Variants in UBR1 observed in about 807,000 individuals in gnomAD.
UBR1 encodes ubiquitin protein ligase E3 component n-recognin 1.
Under a neutral mutation model 242.1 loss-of-function variants are expected in UBR1, and 102 were observed. The observed-to-expected ratio is 0.42, with a 90% CI of 0.36 to 0.50. The LOEUF is 0.50. UBR1 is among the 20% of genes least tolerant of loss of function. UBR1 has a pLI of 0.01. For synonymous variants in UBR1, 675 were observed against 684.8 expected (o/e 0.99, Z 0.22); for missense variants, 1,772 against 2,101.8 (o/e 0.84, Z 3.07).
intron 11 of UBR1, among the ~76,000 whole-genome samples, chr15:43,055,878 G>A (rs566990966): frequency 1.3e-5 from 2 of 152,226 alleles, no homozygotes; most frequent in African/African-American, 4.8e-5. Context: ...TCGTCCCATT[G>A]CACTCCAGCC....
At position 42,945,294 on chromosome 15, in the gene UBR1, C is replaced by G. The variant is rs767638019; in HGVS notation, c.*35G>C. The G allele has an allele frequency of 1.2e-6, 2 of 1,613,962 alleles. No individual in the cohort carries two copies. The highest frequency in any genetic ancestry group is 4.5e-5 in the East Asian group (2 of 44,882). On this transcript the variant is annotated 3_prime_UTR_variant, in exon 47 of 47. Coordinates refer to ENST00000290650, the MANE Select transcript of UBR1 (RefSeq NM_174916.3). ...ATTTTGAATCAGCCTTTACTACTGT[C>G]GTCATTTGTGATTGTCTTGAGGCAG...
At chr15:43,090,205 C>T (rs1567149963) in intron 1 of UBR1, among the ~76,000 whole-genome samples, 1 of 152,024 alleles carries the variant, frequency 6.6e-6, no homozygotes, top group African/African-American at 2.4e-5. Context: ...ACAAACAGTT[C>T]AGTAAAGTAG....
chr15:43,024,635 T>A (rs986466292), intron 25 of UBR1, among the ~76,000 whole-genome samples, 194 bp downstream of exon 25: 6 of 152,142 alleles, frequency 3.9e-5, no homozygotes, highest in African/African-American at 1.4e-4. Context: ...TAAACAGAAA[T>A]GGTTCCCAAG....
intron 1 of UBR1, among the ~76,000 whole-genome samples, chr15:43,093,332 T>C (rs970942232): frequency 1.3e-5 from 2 of 152,230 alleles, no homozygotes; most frequent in African/African-American, 2.4e-5. Context: ...AGCCCAGTAA[T>C]TGTTTTTCTA....
chr15:43,044,592 GT>G (rs1299991195), intron 14 of UBR1, among the ~76,000 whole-genome samples: 4 of 152,106 alleles, frequency 2.6e-5, no homozygotes, highest in African/African-American at 9.7e-5. Context: ...TAACTAAAGG[GT>G]TTTAGAAATT....
At chr15:43,025,628 T>G in intron 23 of UBR1, 199 bp from the exon 24 acceptor site, 1 of 558,312 alleles carries the variant, frequency 1.8e-6, no homozygotes, top group Non-Finnish European at 3.2e-6. Context: ...ATATCCCTGA[T>G]CAAAAACTTA....
Position 42,966,570 on chromosome 15 carries a change from C to T in UBR1, c.4458-284G>A, listed in dbSNP as rs190806431. 1.2e-4 allele frequency among the ~76,000 whole-genome samples: 18 copies of T among 151,584 alleles called. No individual in the cohort carries two copies. In the East Asian group the frequency reaches 2.7e-3, roughly 23 times the overall value. The stretch of plus-strand genomic sequence containing the variant: ...GTGGGCACCTGTGATCCCAGCTACT[C>T]GGGAGGCTGAGGTGGGAGAACTGCT... On this transcript the variant is annotated intron_variant, in intron 40 of 46. Coordinates refer to ENST00000290650, the MANE Select transcript of UBR1 (RefSeq NM_174916.3).
chr15:43,074,564 C>A (rs1274036306), intron 4 of UBR1, among the ~76,000 whole-genome samples: 1 of 151,980 alleles, frequency 6.6e-6, no homozygotes, highest in African/African-American at 2.4e-5. Flanking sequence ...CAAGTAGCTG[C>A]AATTACAGGT....
At chr15:43,068,693 T>A (rs2033786063) in intron 5 of UBR1, among the ~76,000 whole-genome samples, 1 of 152,154 alleles carries the variant, frequency 6.6e-6, no homozygotes, top group Non-Finnish European at 1.5e-5. Flanking sequence ...CAATCTTAGC[T>A]CACTGCAACC....
At chr15:43,011,964 C>G (rs1282729132) in intron 29 of UBR1, 2 of 449,086 alleles carry the variant, frequency 4.5e-6, no homozygotes, top group African/African-American at 2.0e-5. Context: ...CAGTGGCTCA[C>G]GCCTGTAATC....
chr15:43,009,790 CTATAG>C (rs543603324), intron 29 of UBR1, among the ~76,000 whole-genome samples: 202 of 152,322 alleles, frequency 1.3e-3, no homozygotes, highest in African/African-American at 4.8e-3. Context: ...GCTCCCTGAA[CTATAG>C]TATATCATTG....
At chr15:42,953,187 T>C (rs1387205250) in intron 44 of UBR1, among the ~76,000 whole-genome samples, 1 of 152,160 alleles carries the variant, frequency 6.6e-6, no homozygotes, top group Non-Finnish European at 1.5e-5. Context: ...GATGAGACCA[T>C]TTTACATAGT....
chr15:42,952,145 G>T, intron 45 of UBR1, 133 bp downstream of exon 45: 1 of 1,118,054 alleles, frequency 8.9e-7, no homozygotes, highest in Non-Finnish European at 1.3e-6. Flanking sequence ...GCAATTTCAT[G>T]TCAATAACAG....
chr15:43,092,230 A>C (rs1175846339), intron 1 of UBR1: 1 of 292,966 alleles, frequency 3.4e-6, no homozygotes, highest in Non-Finnish European at 6.8e-6. Context: ...GCCCAGCTCA[A>C]GGCCAACCTT....
chr15:43,022,435 C>CAAA (rs76731124), intron 26 of UBR1, among the ~76,000 whole-genome samples: 1 of 103,544 alleles, frequency 9.7e-6, no homozygotes. Flanking sequence ...TATATGCAAC[C>CAAA]AAAAAAAAAA....
intron 2 of UBR1, among the ~76,000 whole-genome samples, chr15:43,083,146 T>C (rs1463674407): frequency 1.3e-5 from 2 of 152,234 alleles, no homozygotes; most frequent in Non-Finnish European, 2.9e-5. Flanking sequence ...TTCATTAGAA[T>C]GCAAGCAACA....
Position 43,003,853 on chromosome 15 carries a change from C to T in UBR1, c.3493G>A (p.Ala1165Thr), listed in dbSNP as rs368770602. The T allele has an allele frequency of 4.6e-5, 74 of 1,614,066 alleles. No individual in the cohort carries two copies. Among genetic ancestry groups the T allele is most frequent in the Non-Finnish European group, 5.8e-5 (69 of 1,180,000 alleles). ...YTGSCGHVMH[A>T]VCWQKYFEAV... ...ACAACTTACTTCTGCCAGCACACTG[C>T]GTGCATTACATGACCACAGCTTCCT... Residue 1165 changes from alanine (A) to threonine (T), a missense_variant, in exon 31 of 47, where the codon GCA becomes ACA. By Grantham distance (58) the Ala-to-Thr change is moderately conservative. Coordinates refer to ENST00000290650, the MANE Select transcript of UBR1 (RefSeq NM_174916.3).
rs770966862 is a variant in UBR1 at position 42,984,952 on chromosome 15, T to TA, written c.3998-11dup. 409 of 1,562,346 alleles carry TA rather than the reference T, an allele frequency of 2.6e-4. 1 individual carries two copies. The highest frequency in any genetic ancestry group is 5.5e-4 in the South Asian group (49 of 88,290). On this transcript the variant is annotated splice_polypyrimidine_tract_variant and intron_variant, in intron 35 of 46. Coordinates refer to ENST00000290650, the MANE Select transcript of UBR1 (RefSeq NM_174916.3). ...TCTCCCAATAGATTTTCTCAAAGAA[T>TA]AAAAAAAAATAAAAATAATAAATCC...
rs1227860752 is a variant in UBR1 at position 42,945,300 on chromosome 15, T to C, written c.*29A>G. 1 of 1,613,994 alleles carries C rather than the reference T, an allele frequency of 6.2e-7. No homozygotes were observed. Among genetic ancestry groups the C allele is most frequent in the African/African-American group, 1.3e-5 (1 of 74,938 alleles). On this transcript the variant is annotated 3_prime_UTR_variant, in exon 47 of 47. Transcript: ENST00000290650. The stretch of plus-strand genomic sequence containing the variant: ...AATCAGCCTTTACTACTGTCGTCAT[T>C]TGTGATTGTCTTGAGGCAGAGTTGG...
Sources: allele counts gnomAD v4.1 joint callset (sites outside exome capture counted in the v4.1 genomes callset), GRCh38; gene constraint gnomAD v4.1.1; transcripts MANE v1.5; gene names NCBI Gene and HGNC (gene_info 2026-07-23, HGNC 2026-07-21).